The following GABRG1 variants were observed in gnomAD, a reference collection of about 807,000 sequenced individuals.
GABRG1 encodes the protein gamma-aminobutyric acid receptor subunit gamma-1.
In GABRG1, 49 loss-of-function variants were observed where a neutral mutation model predicts 49.8. The ratio of observed to expected loss-of-function variants is 0.98; its 90% CI spans 0.78 to 1.25. GABRG1 has a LOEUF of 1.25. GABRG1 is among the 50% of genes most tolerant of loss of function. The probability of loss-of-function intolerance (pLI) is 0.00; values close to 1 mark genes in which losing one functional copy is unlikely to be tolerated. For synonymous variants in GABRG1, 232 were observed against 185.1 expected (o/e 1.25, Z -2.06); for missense variants, 552 against 552.3 (o/e 1.00, Z 0.01).
chr4:46,103,048 T>C (rs768229489), intron 1 of GABRG1, among the ~76,000 whole-genome samples: 1 of 151,612 alleles, frequency 6.6e-6, no homozygotes, highest in Non-Finnish European at 1.5e-5. Context: ...CAAAATGGCC[T>C]ACTTTGGATG....
intron 8 of GABRG1, among the ~76,000 whole-genome samples, chr4:46,046,189 A>AT (rs1286692502): frequency 6.6e-5 from 10 of 152,024 alleles, no homozygotes; most frequent in Non-Finnish European, 1.5e-4. Flanking sequence ...GTTAAAATTA[A>AT]TTTTTTTAAA....
chr4:46,111,213 C>A (rs1316042638), intron 1 of GABRG1, among the ~76,000 whole-genome samples: 2 of 150,868 alleles, frequency 1.3e-5, no homozygotes, highest in African/African-American at 4.8e-5. Context: ...AATGTTCAAT[C>A]TAGGAGTCAA....
chr4:46,065,141 G>C (rs1044207085), intron 4 of GABRG1, among the ~76,000 whole-genome samples: 5 of 152,062 alleles, frequency 3.3e-5, no homozygotes, highest in Admixed American at 2.0e-4. Flanking sequence ...TTCAAAGGAA[G>C]AAAATCAAAG....
At chr4:46,073,270 T>C (rs868789234) in intron 3 of GABRG1, among the ~76,000 whole-genome samples, 4 of 151,982 alleles carry the variant, frequency 2.6e-5, no homozygotes, top group Admixed American at 6.6e-5. Context: ...CCAAGCTCTA[T>C]CTTCTCATTT....
chr4:46,046,675 C>A (rs374673639), intron 8 of GABRG1, among the ~76,000 whole-genome samples: 12 of 152,108 alleles, frequency 7.9e-5, no homozygotes, highest in East Asian at 5.8e-4. Context: ...TGGGGTGAGG[C>A]GGTGCCAGGG....
intron 2 of GABRG1, among the ~76,000 whole-genome samples, chr4:46,085,546 A>C (rs950553802): frequency 6.6e-6 from 1 of 151,522 alleles, no homozygotes; most frequent in African/African-American, 2.4e-5. Flanking sequence ...CATTTTGTAA[A>C]CTTGAGATGC....
At chr4:46,048,157 C>G (rs944557772) in intron 8 of GABRG1, among the ~76,000 whole-genome samples, 8 of 152,062 alleles carry the variant, frequency 5.3e-5, no homozygotes, top group Non-Finnish European at 8.8e-5. Context: ...TTACTAGTGG[C>G]TTTATCTGTT....
At chr4:46,045,423 C>A (rs1717956001) in intron 8 of GABRG1, among the ~76,000 whole-genome samples, 1 of 151,772 alleles carries the variant, frequency 6.6e-6, no homozygotes, top group African/African-American at 2.4e-5. Flanking sequence ...ATCTAACTAC[C>A]AGTAGTTTCC....
intron 3 of GABRG1, among the ~76,000 whole-genome samples, chr4:46,073,331 A>C (rs377686561): frequency 6.6e-6 from 1 of 151,880 alleles, no homozygotes; most frequent in African/African-American, 2.4e-5. Context: ...CCTTTCCAAG[A>C]TCATAGAACG....
Position 46,038,105 on chromosome 4 carries a change from C to T in GABRG1, c.*2883G>A, listed in dbSNP as rs149325644. ...CTGTCTTTAACTTAAAATAAAATGC[C>T]TCCAATTAGTTATCTAATTCCCACT... On this transcript the variant is annotated 3_prime_UTR_variant, in exon 9 of 9. Coordinates refer to ENST00000295452, the MANE Select transcript of GABRG1 (RefSeq NM_173536.4). 6.6e-4 allele frequency: 100 copies of T among 151,614 alleles called. No individual in the cohort carries two copies. The highest frequency in any genetic ancestry group is 2.3e-3 in the African/African-American group (95 of 41,454). 9.4% of individuals were successfully genotyped at this position (151,614 alleles called of 1,614,324 possible). A position where few individuals can be genotyped will look rare whatever the true frequency, so the allele number is the denominator to read the frequency against.
At chr4:46,066,254 C>CA (rs1419931045) in intron 3 of GABRG1, among the ~76,000 whole-genome samples, 1 of 151,960 alleles carries the variant, frequency 6.6e-6, no homozygotes. Context: ...AAACTAGACG[C>CA]AAAAAACAAC....
intron 1 of GABRG1, 26 bp downstream of exon 1, chr4:46,123,784 A>C: frequency 2.6e-6 from 4 of 1,522,918 alleles, no homozygotes; most frequent in South Asian, 1.1e-5. Context: ...AGCAAAGAAT[A>C]GTTTTAAACC....
At chr4:46,104,472 C>A (rs1412283087) in intron 1 of GABRG1, among the ~76,000 whole-genome samples, 2 of 151,470 alleles carry the variant, frequency 1.3e-5, no homozygotes, top group Non-Finnish European at 3.0e-5. Flanking sequence ...TACATTTTAG[C>A]ATATACCTAT....
chr4:46,063,713 C>A (rs981616114), intron 5 of GABRG1, among the ~76,000 whole-genome samples: 1 of 151,948 alleles, frequency 6.6e-6, no homozygotes, highest in East Asian at 1.9e-4. Flanking sequence ...TTCTGCACAG[C>A]AAAAGAAACT....
At chr4:46,109,412 C>T (rs1560374077) in intron 1 of GABRG1, among the ~76,000 whole-genome samples, 1 of 150,848 alleles carries the variant, frequency 6.6e-6, no homozygotes, top group Non-Finnish European at 1.5e-5. Flanking sequence ...TTCTCTCTCT[C>T]TTTTTCTTTG....
Position 46,047,966 on chromosome 4 carries a change from A to G in GABRG1, c.1131+3458T>C, listed in dbSNP as rs569180924. On this transcript the variant is annotated intron_variant, in intron 8 of 8. Coordinates refer to ENST00000295452, the MANE Select transcript of GABRG1 (RefSeq NM_173536.4). ...TAAATTTCTATAATTTCACATCTTA[A>G]TAAAATCAGGAAACTAAAAATAAGT... Among the ~76,000 whole-genome samples, 66 of 152,190 alleles carry G rather than the reference A, an allele frequency of 4.3e-4. No individual in the cohort carries two copies. The South Asian group carries it at 6.8e-3, about 16-fold the overall frequency.
chr4:46,051,395 TA>T, intron 8 of GABRG1, 28 bp downstream of exon 8: 1 of 1,513,420 alleles, frequency 6.6e-7, no homozygotes, highest in Non-Finnish European at 9.0e-7. Flanking sequence ...TTGAGGTTTA[TA>T]AAATAGAAAT....
intron 2 of GABRG1, among the ~76,000 whole-genome samples, chr4:46,092,634 C>A (rs1315051572): frequency 1.3e-5 from 2 of 151,886 alleles, no homozygotes; most frequent in East Asian, 3.9e-4. Flanking sequence ...TCTGCATTAA[C>A]CACTCCATTT....
intron 3 of GABRG1, among the ~76,000 whole-genome samples, chr4:46,073,974 A>G (rs1719234780): frequency 6.6e-6 from 1 of 152,126 alleles, no homozygotes; most frequent in Non-Finnish European, 1.5e-5. Context: ...CTATTGTATA[A>G]ACACACTCAA....
Sources: gnomAD v4.1 joint callset for allele counts (sites outside exome capture counted in the v4.1 genomes callset) on GRCh38, gnomAD v4.1.1 for gene constraint, MANE v1.5 for transcripts, NCBI Gene and HGNC (gene_info 2026-07-23, HGNC 2026-07-21) for gene names.